SDK1: variants seen among roughly 807,000 people sequenced by gnomAD.
SDK1 encodes the protein sidekick cell adhesion molecule 1, also known as protein sidekick-1.
In SDK1, 157 loss-of-function variants were observed where a neutral mutation model predicts 245.5. That is an observed-to-expected ratio of 0.64 (90% CI 0.56 to 0.73). SDK1 has a LOEUF of 0.73. SDK1 is among the 30% of genes least tolerant of loss of function. The probability of loss-of-function intolerance (pLI) is 0.00; values close to 1 mark genes in which losing one functional copy is unlikely to be tolerated. For missense variants in SDK1, 3,583 were observed against 3,002.3 expected, an observed-to-expected ratio of 1.19 and a Z score of -4.52; for synonymous variants, 1,647 against 1,278.5, an observed-to-expected ratio of 1.29 and a Z score of -6.15.
rs1778922534 is a variant in SDK1, at chr7:3,723,935, TATATATATAGAGAGAGAGAG to T, written c.713+81832_713+81851del. On this transcript the variant is annotated intron_variant, in intron 4 of 44. Coordinates refer to ENST00000404826, the MANE Select transcript of SDK1 (RefSeq NM_152744.4). Reference sequence around the variant, plus strand: ...ATATATATATACACGTATATATATATATATATATAGAGAGAGAGAGAGAGAGAGAGAGAGAGAGAGAGAAA... The same window carrying T: ...ATATATATATACACGTATATATATATAGAGAGAGAGAGAGAGAGAGAGAAA... Among the ~76,000 whole-genome samples, 3 of 120,322 alleles carry T rather than the reference TATATATATAGAGAGAGAGAG, an allele frequency of 2.5e-5. 1 individual carries two copies. Among genetic ancestry groups the T allele is most frequent in the African/African-American group, 9.3e-5 (3 of 32,310 alleles). The allele number at this position is 120,322 out of a possible 152,430, so 78.9% of individuals were successfully genotyped here.
rs1479773427 is a variant in SDK1 at position 4,149,326 on chromosome 7, G to C, written c.4488G>C (p.Arg1496=). ...CAGAAGTGACCGCACGCAGCCTCCGGCTCCAGTGGGTCCCGGGCAGCGACG... is the reference window on the plus strand; with the variant it reads ...CAGAAGTGACCGCACGCAGCCTCCGCCTCCAGTGGGTCCCGGGCAGCGACG... ...PQAEVTARSL[R]LQWVPGSDGA... Residue 1496 remains arginine (R), a synonymous_variant, in exon 30 of 45, where the codon CGG becomes CGC. Transcript: ENST00000404826. The C allele has an allele frequency of 1.9e-6, 3 of 1,591,372 alleles. No homozygotes were observed. The highest frequency in any genetic ancestry group is 1.4e-5 in the African/African-American group (1 of 74,028).
chr7:3,307,656 A>G (rs1220253871), intron 1 of SDK1, among the ~76,000 whole-genome samples: 2 of 152,216 alleles, frequency 1.3e-5, no homozygotes, highest in Non-Finnish European at 2.9e-5. Flanking sequence ...TCCTGTGGGT[A>G]TTGTGGGAAT....
intron 4 of SDK1, among the ~76,000 whole-genome samples, chr7:3,809,896 G>GCTT (rs2115045814): frequency 6.6e-6 from 1 of 152,286 alleles, no homozygotes; most frequent in African/African-American, 2.4e-5. Context: ...CCAGCCCCAG[G>GCTT]CTTCCCCAAC....
intron 1 of SDK1, among the ~76,000 whole-genome samples, chr7:3,376,636 A>G (rs899814760): frequency 1.3e-5 from 2 of 152,216 alleles, no homozygotes; most frequent in Admixed American, 6.5e-5. Context: ...TGGCAGGAAG[A>G]TTATACGGTG....
intron 4 of SDK1, among the ~76,000 whole-genome samples, chr7:3,758,716 A>T (rs776768337): frequency 2.6e-4 from 39 of 152,050 alleles, no homozygotes; most frequent in South Asian, 1.7e-3. Flanking sequence ...TTCTTTAAGA[A>T]CCCTGGTGCC....
chr7:3,324,300 T>G (rs1333623386), intron 1 of SDK1, among the ~76,000 whole-genome samples: 1 of 152,176 alleles, frequency 6.6e-6, no homozygotes, highest in Non-Finnish European at 1.5e-5. Context: ...CTTGATAAAT[T>G]TTCACAAAGA....
At chr7:3,869,153 C>CTTTTTT (rs751723918) in intron 5 of SDK1, among the ~76,000 whole-genome samples, 37 of 117,092 alleles carry the variant, frequency 3.2e-4, no homozygotes, top group African/African-American at 8.6e-4. Context: ...TTTTTCATTT[C>CTTTTTT]TTTTTTTTTT....
At chr7:4,073,888 A>T (rs1780436029) in intron 20 of SDK1, among the ~76,000 whole-genome samples, 1 of 152,232 alleles carries the variant, frequency 6.6e-6, no homozygotes, top group African/African-American at 2.4e-5. Context: ...AGGCACACTC[A>T]GCACGGCCAC....
At chr7:3,527,861 G>A (rs932389666) in intron 1 of SDK1, among the ~76,000 whole-genome samples, 1 of 150,770 alleles carries the variant, frequency 6.6e-6, no homozygotes, top group Non-Finnish European at 1.5e-5. Flanking sequence ...GGGAGGTGAG[G>A]CTGGATGATA....
intron 1 of SDK1, among the ~76,000 whole-genome samples, chr7:3,545,403 T>G (rs1031217842): frequency 2.6e-5 from 4 of 152,200 alleles, no homozygotes; most frequent in African/African-American, 9.6e-5. Flanking sequence ...GTTGAAAGAC[T>G]AATGTGCAGT....
At chr7:4,118,084 C>A (rs1783827720) in intron 25 of SDK1, among the ~76,000 whole-genome samples, 1 of 152,042 alleles carries the variant, frequency 6.6e-6, no homozygotes, top group South Asian at 2.1e-4. Context: ...AAAGTAGATA[C>A]ATTAGACCTC....
intron 35 of SDK1, among the ~76,000 whole-genome samples, chr7:4,181,704 G>A (rs961062549): frequency 6.6e-6 from 1 of 152,206 alleles, no homozygotes; most frequent in Non-Finnish European, 1.5e-5. Context: ...CAGTCCCACA[G>A]AAGGGAAAGG....
chr7:3,464,312 C>A lies in SDK1; in HGVS notation c.299-154768C>A, dbSNP rs959116826. ...GCCAAGGCGGGAACATTGCTTGAGGCCGGGAGTTCTAGGCCAGCCTGAGTA... is the reference window on the plus strand; with the variant it reads ...GCCAAGGCGGGAACATTGCTTGAGGACGGGAGTTCTAGGCCAGCCTGAGTA... On this transcript the variant is annotated intron_variant, in intron 1 of 44. Transcript: ENST00000404826. Among the ~76,000 whole-genome samples the A allele has an allele frequency of 2.0e-5, 3 of 152,036 alleles. No homozygotes were observed. In the East Asian group the frequency reaches 5.8e-4, roughly 29 times the overall value.
intron 4 of SDK1, among the ~76,000 whole-genome samples, chr7:3,813,522 T>G (rs1779436480): frequency 6.7e-6 from 1 of 148,648 alleles, no homozygotes; most frequent in South Asian, 2.2e-4. Context: ...TGTTGGACAT[T>G]TGGGTTGGTT....
At chr7:4,180,153 C>G (rs1289442107) in intron 35 of SDK1, among the ~76,000 whole-genome samples, 2 of 152,096 alleles carry the variant, frequency 1.3e-5, no homozygotes, top group African/African-American at 4.8e-5. Context: ...GCCCAGCAAA[C>G]AGCTCCAGCT....
At chr7:3,772,584 C>T (rs1255778871) in intron 4 of SDK1, among the ~76,000 whole-genome samples, 1 of 152,110 alleles carries the variant, frequency 6.6e-6, no homozygotes, top group Non-Finnish European at 1.5e-5. Flanking sequence ...CATCTTAAAT[C>T]ATATAGAAAA....
intron 1 of SDK1, among the ~76,000 whole-genome samples, chr7:3,587,186 G>A (rs1048579639): frequency 2.0e-5 from 3 of 152,284 alleles, no homozygotes; most frequent in Middle Eastern, 3.4e-3. Flanking sequence ...TAAGAATTTA[G>A]CGGTCAATTT....
intron 5 of SDK1, among the ~76,000 whole-genome samples, chr7:3,845,239 C>G (rs1780247253): frequency 6.6e-6 from 1 of 152,044 alleles, no homozygotes; most frequent in Non-Finnish European, 1.5e-5. Context: ...CTCACACCTT[C>G]CCAGCACTTT....
At chr7:3,453,395 A>C (rs183407331) in intron 1 of SDK1, among the ~76,000 whole-genome samples, 24 of 152,334 alleles carry the variant, frequency 1.6e-4, no homozygotes, top group African/African-American at 5.8e-4. Flanking sequence ...TGTGAATGTG[A>C]CCATTTGGAC....
Sources: allele counts gnomAD v4.1 joint callset (sites outside exome capture counted in the v4.1 genomes callset), GRCh38; gene constraint gnomAD v4.1.1; transcripts MANE v1.5; gene names NCBI Gene and HGNC (gene_info 2026-07-23, HGNC 2026-07-21).